The following COPG2 variants were observed in gnomAD, a reference collection of about 807,000 sequenced individuals.
COPG2 encodes the protein coatomer subunit gamma-2.
A neutral mutation model predicts 46.3 loss-of-function variants in COPG2; 37 were observed. That is an observed-to-expected ratio of 0.80 (90% CI 0.61 to 1.05). COPG2 has a LOEUF of 1.05. Among genes scored for constraint, COPG2 ranks in the 50% least tolerant of loss-of-function variants. The pLI is 0.00. For missense variants in COPG2, 427 were observed against 387.8 expected, an observed-to-expected ratio of 1.10 and a Z score of -0.85; for synonymous variants, 159 against 129.7, an observed-to-expected ratio of 1.23 and a Z score of -1.53.
At chr7:130,516,088 AG>A in intron 20 of COPG2, among the ~76,000 whole-genome samples, 1 of 152,254 alleles carries the variant, frequency 6.6e-6, no homozygotes, top group African/African-American at 2.4e-5. Flanking sequence ...TGAATGAAGG[AG>A]GGATACTGAA....
intron 20 of COPG2, among the ~76,000 whole-genome samples, chr7:130,518,205 G>A (rs1385228007): frequency 6.6e-6 from 1 of 152,162 alleles, no homozygotes; most frequent in African/African-American, 2.4e-5. Context: ...GAGTGATACC[G>A]AGGAAGTCTC....
At chr7:130,522,524 T>C (rs1268193489) in intron 20 of COPG2, among the ~76,000 whole-genome samples, 1 of 152,260 alleles carries the variant, frequency 6.6e-6, no homozygotes, top group East Asian at 1.9e-4. Context: ...TTTCATGTAC[T>C]GAAGGGTCAA....
intron 5 of COPG2, among the ~76,000 whole-genome samples, chr7:130,629,956 C>T (rs539698477): frequency 5.7e-4 from 85 of 149,944 alleles, no homozygotes; most frequent in East Asian, 9.9e-4. Flanking sequence ...TCGCTCTTGT[C>T]GCCCAGGCTG....
intron 6 of COPG2, among the ~76,000 whole-genome samples, chr7:130,614,912 A>G (rs564819370): frequency 1.3e-5 from 2 of 152,334 alleles, no homozygotes; most frequent in South Asian, 4.1e-4. Flanking sequence ...TACCCTAGGA[A>G]AATCTTCATT....
At chr7:130,540,496 A>G (rs1393531399) in intron 20 of COPG2, among the ~76,000 whole-genome samples, 2 of 152,104 alleles carry the variant, frequency 1.3e-5, no homozygotes, top group Admixed American at 6.5e-5. Context: ...TAAGAGTCCT[A>G]TCAGGTGGGA....
rs139827094 is a variant in COPG2, at chr7:130,658,880, C to T, written c.243+4087G>A. Among the ~76,000 whole-genome samples the T allele has an allele frequency of 6.8e-3, 1,041 of 152,098 alleles. 4 individuals are homozygous for T. The highest frequency in any genetic ancestry group is 0.031 in the Middle Eastern group (9 of 294). On this transcript the variant is annotated intron_variant, in intron 4 of 23. Transcript: ENST00000425248. ...TATTTTTAGTAGAGACAGGGTTTCA[C>T]TATGTTGACCAGGCTGGTCTAAAAC...
chr7:130,666,776 G>A, intron 3 of COPG2, 73 bp downstream of exon 3: 1 of 698,158 alleles, frequency 1.4e-6, no homozygotes, highest in Non-Finnish European at 2.4e-6. Flanking sequence ...ATACTTTCCA[G>A]AAAGTATTTC....
At chr7:130,603,862 C>A (rs782471951) in intron 9 of COPG2, 2 of 519,018 alleles carry the variant, frequency 3.9e-6, no homozygotes, top group African/African-American at 3.9e-5. Flanking sequence ...TAACTTTTGA[C>A]TCCCCCAAAA....
intron 20 of COPG2, among the ~76,000 whole-genome samples, chr7:130,530,261 C>T (rs1015563298): frequency 2.0e-5 from 3 of 151,896 alleles, no homozygotes; most frequent in Admixed American, 6.6e-5. Flanking sequence ...AGGGGTGCAT[C>T]GGCTCACTGG....
chr7:130,604,616 C>A, intron 9 of COPG2: 1 of 399,594 alleles, frequency 2.5e-6, no homozygotes, highest in Non-Finnish European at 4.8e-6. Context: ...CATATTATCT[C>A]CAAATATAGT....
intron 6 of COPG2, among the ~76,000 whole-genome samples, chr7:130,614,567 C>T (rs1404002391): frequency 6.6e-6 from 1 of 152,186 alleles, no homozygotes; most frequent in African/African-American, 2.4e-5. Flanking sequence ...TACATGATCT[C>T]ATCCCTCCAG....
In COPG2 at chr7:130,532,753, C is replaced by G. The variant is rs1182584484; in HGVS notation, c.2149+14921G>C. Among the ~76,000 whole-genome samples, 13 of 152,202 alleles carry G rather than the reference C, an allele frequency of 8.5e-5. No individual in the cohort carries two copies. The East Asian group carries it at 1.9e-3, about 23-fold the overall frequency. On this transcript the variant is annotated intron_variant, in intron 20 of 23. Transcript: ENST00000425248. Reference sequence around the variant, plus strand: ...GTGGTGTGCTGGAAAAGTCCCATAGCCTTGGCCACTGGATCGTGAGCATGG... The same window carrying G: ...GTGGTGTGCTGGAAAAGTCCCATAGGCTTGGCCACTGGATCGTGAGCATGG...
intron 22 of COPG2, 137 bp from the exon 23 acceptor site, chr7:130,507,509 A>G (rs1799517569): frequency 1.5e-6 from 1 of 679,234 alleles, no homozygotes; most frequent in African/African-American, 1.8e-5. Context: ...GAGGGAGGCT[A>G]CTACTGGACT....
At chr7:130,507,890 G>T in intron 21 of COPG2, 67 bp from the exon 22 acceptor site, 1 of 747,614 alleles carries the variant, frequency 1.3e-6, no homozygotes, top group South Asian at 1.5e-5. Context: ...AAAGGAACTA[G>T]TCAATATGGT....
intron 5 of COPG2, chr7:130,645,738 A>G (rs1795583208): frequency 1.7e-5 from 1 of 58,954 alleles, no homozygotes; most frequent in Non-Finnish European, 4.6e-5. Flanking sequence ...TTGATGAGAC[A>G]AATGAACAGA....
rs1435176062 is a variant in COPG2, at chr7:130,523,106, G to T, written c.2150-14447C>A. 0.017 allele frequency among the ~76,000 whole-genome samples: 910 copies of T among 52,624 alleles called. 62 individuals are homozygous for T. In the East Asian group the frequency reaches 0.3, roughly 18 times the overall value. The allele number at this position is 52,624 out of a possible 152,430, so 34.5% of individuals were successfully genotyped here. Reference sequence around the variant, plus strand: ...GCACTCCAGCCTTGGGCGACAGAGTGAAACTCTTCTCTCAAAAAAAAAAAA... The same window carrying T: ...GCACTCCAGCCTTGGGCGACAGAGTTAAACTCTTCTCTCAAAAAAAAAAAA... On this transcript the variant is annotated intron_variant, in intron 20 of 23. Coordinates refer to ENST00000425248, the MANE Select transcript of COPG2 (RefSeq NM_012133.6).
chr7:130,544,654 A>G (rs1313854515), intron 20 of COPG2, among the ~76,000 whole-genome samples: 4 of 152,292 alleles, frequency 2.6e-5, no homozygotes, highest in Non-Finnish European at 2.9e-5. Context: ...CATGGGGAAT[A>G]ATTGGTAGAA....
intron 4 of COPG2, 101 bp from the exon 5 acceptor site, chr7:130,653,049 T>C: frequency 2.7e-6 from 2 of 733,026 alleles, no homozygotes; most frequent in Non-Finnish European, 4.4e-6. Context: ...TTTAGAAAGA[T>C]ATTCTTTAAA....
chr7:130,663,111 G>T, intron 3 of COPG2, 73 bp from the exon 4 acceptor site: 1 of 741,632 alleles, frequency 1.3e-6, no homozygotes, highest in South Asian at 2.4e-5. Context: ...TACACACACA[G>T]GATTTTCTAT....
Sources: gnomAD v4.1 joint callset for allele counts (sites outside exome capture counted in the v4.1 genomes callset) on GRCh38, gnomAD v4.1.1 for gene constraint, MANE v1.5 for transcripts, NCBI Gene and HGNC (gene_info 2026-07-23, HGNC 2026-07-21) for gene names.